The following ADAMTS18 variants were observed in gnomAD, a reference collection of about 807,000 sequenced individuals.
ADAMTS18 encodes ADAM metallopeptidase with thrombospondin type 1 motif 18.
ADAMTS18 carries 157 observed loss-of-function variants against 165.9 expected under a neutral mutation model. The observed-to-expected ratio is 0.95, with a 90% CI of 0.83 to 1.08. The LOEUF (loss-of-function observed/expected upper bound fraction) is 1.08. Among genes scored for constraint, ADAMTS18 ranks in the 50% least tolerant of loss-of-function variants. The probability of loss-of-function intolerance (pLI) is 0.00; values close to 1 mark genes in which losing one functional copy is unlikely to be tolerated. For missense variants in ADAMTS18, 2,040 were observed against 1,534.0 expected, an observed-to-expected ratio of 1.33 and a Z score of -5.51; for synonymous variants, 782 against 578.2, an observed-to-expected ratio of 1.35 and a Z score of -5.06.
At chr16:77,329,598 G>C (rs1265721025) in intron 12 of ADAMTS18, among the ~76,000 whole-genome samples, 1 of 152,106 alleles carries the variant, frequency 6.6e-6, no homozygotes, top group African/African-American at 2.4e-5. Flanking sequence ...TTATGCTTTT[G>C]TATTGAGTAC....
chr16:77,302,792 G>T (rs74025788), intron 16 of ADAMTS18, among the ~76,000 whole-genome samples: 4 of 152,158 alleles, frequency 2.6e-5, no homozygotes, highest in Admixed American at 2.0e-4. Flanking sequence ...CTTTTAGACA[G>T]ATTCTAGAGC....
rs772299766 is a variant in ADAMTS18 at position 77,320,061 on chromosome 16, C to A, written c.2320G>T (p.Ala774Ser). The change falls in exon 16 of 23, where the codon GCC (alanine) becomes TCC (serine). Residue 774 changes from alanine to serine, a missense_variant. Coordinates refer to ENST00000282849, the MANE Select transcript of ADAMTS18 (RefSeq NM_199355.4). ...YYPVVLIPAG[A>S]RSIEIQELQV... Reference sequence around the variant, plus strand: ...AGCTCCTGGATTTCGATGCTTCGGGCGCCAGCTGGAATGAGGACCACCGGA... The same window carrying A: ...AGCTCCTGGATTTCGATGCTTCGGGAGCCAGCTGGAATGAGGACCACCGGA... 1.2e-6 allele frequency: 2 copies of A among 1,613,736 alleles called. No homozygotes were observed. The highest frequency in any genetic ancestry group is 1.6e-4 in the Middle Eastern group (1 of 6,062).
chr16:77,347,994 A>G (rs574680053), intron 10 of ADAMTS18, among the ~76,000 whole-genome samples: 45 of 152,320 alleles, frequency 3.0e-4, no homozygotes, highest in African/African-American at 1.1e-3. Flanking sequence ...CTGATACATA[A>G]TAAGCACTGA....
Position 77,289,431 on chromosome 16 carries a change from AAGGAGTCAGAAACACTC to A in ADAMTS18, c.3403-37_3403-21del. 6.2e-7 allele frequency: 1 copy of A among 1,613,420 alleles called. No individual in the cohort carries two copies. Among genetic ancestry groups the A allele is most frequent in the Non-Finnish European group, 8.5e-7 (1 of 1,179,804 alleles). ...TGTGCACTGCAGCAGAGAGAAGAGG[AAGGAGTCAGAAACACTC>A]TACTGAGGTCAGTGACATCAAACAG... is the stretch of plus-strand genomic sequence containing the variant. On this transcript the variant is annotated intron_variant, in intron 21 of 22. Transcript: ENST00000282849.
chr16:77,321,622 A>C (rs1193642722), intron 14 of ADAMTS18, among the ~76,000 whole-genome samples: 4 of 152,238 alleles, frequency 2.6e-5, no homozygotes, highest in Admixed American at 2.0e-4. Context: ...CTCAAAGTGA[A>C]AGGAAAAATA....
chr16:77,289,513 C>T (rs2055322843), intron 21 of ADAMTS18, 102 bp from the exon 22 acceptor site: 5 of 1,376,474 alleles, frequency 3.6e-6, no homozygotes, highest in Non-Finnish European at 5.1e-6. Flanking sequence ...AAGATGCCTG[C>T]TGATGAAACA....
chr16:77,324,502 T>C (rs573759657), intron 13 of ADAMTS18, among the ~76,000 whole-genome samples: 2 of 152,332 alleles, frequency 1.3e-5, no homozygotes, highest in African/African-American at 4.8e-5. Flanking sequence ...GCTGGAGATA[T>C]AAGCAAGCTC....
chr16:77,409,602 A>T (rs1390821939), intron 3 of ADAMTS18, among the ~76,000 whole-genome samples: 10 of 152,182 alleles, frequency 6.6e-5, no homozygotes, highest in Non-Finnish European at 1.5e-5. Context: ...TCGGGGCTTG[A>T]TGACCTACAG....
chr16:77,320,241 T>A, intron 15 of ADAMTS18, 148 bp from the exon 16 acceptor site: 1 of 1,007,646 alleles, frequency 9.9e-7, no homozygotes, highest in Non-Finnish European at 1.5e-6. Flanking sequence ...GAAGTAAACA[T>A]GATCAATGAT....
chr16:77,363,748 A>G, intron 6 of ADAMTS18, 54 bp downstream of exon 6: 1 of 1,539,878 alleles, frequency 6.5e-7, no homozygotes, highest in Non-Finnish European at 9.0e-7. Flanking sequence ...GTGTTCAAGA[A>G]ATGTATTCTG....
intron 21 of ADAMTS18, among the ~76,000 whole-genome samples, chr16:77,290,360 T>C (rs188211381): frequency 2.6e-5 from 4 of 152,280 alleles, no homozygotes; most frequent in East Asian, 1.9e-4. Flanking sequence ...CAGGCAGGTA[T>C]TGGGGGAGCA....
At chr16:77,359,563 AAAAG>A in intron 7 of ADAMTS18, 140 bp from the exon 8 acceptor site, 1 of 653,638 alleles carries the variant, frequency 1.5e-6, no homozygotes, top group South Asian at 1.8e-5. Context: ...AAAAAAAAAA[AAAAG>A]ATCTATAGTT....
At chr16:77,326,564 G>A (rs1456203643) in intron 12 of ADAMTS18, among the ~76,000 whole-genome samples, 1 of 151,992 alleles carries the variant, frequency 6.6e-6, no homozygotes, top group Non-Finnish European at 1.5e-5. Context: ...TGTACTTTTT[G>A]TTGAGATGTG....
chr16:77,349,436 C>G (rs1170800027), intron 10 of ADAMTS18, among the ~76,000 whole-genome samples: 2 of 151,386 alleles, frequency 1.3e-5, no homozygotes, highest in Admixed American at 1.3e-4. Flanking sequence ...CTGATTGTTC[C>G]CCTGCCCCAC....
At chr16:77,413,867 G>T (rs888145486) in intron 3 of ADAMTS18, among the ~76,000 whole-genome samples, 1 of 145,442 alleles carries the variant, frequency 6.9e-6, no homozygotes, top group Non-Finnish European at 1.5e-5. Context: ...ATAATTAGAA[G>T]AAAATCAACA....
At chr16:77,299,727 T>C (rs945111728) in intron 17 of ADAMTS18, among the ~76,000 whole-genome samples, 9 of 152,244 alleles carry the variant, frequency 5.9e-5, no homozygotes, top group Non-Finnish European at 8.8e-5. Context: ...ATGGTTGCTG[T>C]TGTTCCTTCC....
At chr16:77,333,782 T>C (rs1215132336) in intron 12 of ADAMTS18, among the ~76,000 whole-genome samples, 2 of 149,050 alleles carry the variant, frequency 1.3e-5, no homozygotes, top group Non-Finnish European at 3.0e-5. Context: ...CCATTCATCC[T>C]ACTAATGCTG....
In ADAMTS18 at chr16:77,282,393, T is replaced by C. The variant is rs996399003; in HGVS notation, c.*1563A>G. 3.3e-5 allele frequency: 5 copies of C among 152,068 alleles called. No homozygotes were observed. Among genetic ancestry groups the C allele is most frequent in the African/African-American group, 1.2e-4 (5 of 41,442 alleles). 9.4% of individuals were successfully genotyped at this position (152,068 alleles called of 1,614,324 possible). ...TTGTAGTAGAGAAAATTTTTTTTTT[T>C]CCTGTTGATAAAATGGCCACTTCTC... On this transcript the variant is annotated 3_prime_UTR_variant, in exon 23 of 23. Transcript: ENST00000282849.
chr16:77,385,284 T>G (rs1445441137), intron 3 of ADAMTS18, among the ~76,000 whole-genome samples: 1 of 152,220 alleles, frequency 6.6e-6, no homozygotes, highest in Non-Finnish European at 1.5e-5. Flanking sequence ...TAAATTATCA[T>G]TATCCAAATG....
Sources: gnomAD v4.1 joint callset for allele counts (sites outside exome capture counted in the v4.1 genomes callset) on GRCh38, gnomAD v4.1.1 for gene constraint, MANE v1.5 for transcripts, NCBI Gene and HGNC (gene_info 2026-07-23, HGNC 2026-07-21) for gene names.